Variants in COL25A1 observed in about 807,000 individuals in gnomAD.
COL25A1 encodes collagen alpha-1(XXV) chain.
A neutral mutation model predicts 128.4 loss-of-function variants in COL25A1; 103 were observed. That is an observed-to-expected ratio of 0.80 (90% confidence interval 0.68 to 0.94). The LOEUF is 0.94. COL25A1 is among the 40% of genes least tolerant of loss of function. The pLI is 0.00. For synonymous variants in COL25A1, 279 were observed against 277.2 expected (o/e 1.01, Z -0.06); for missense variants, 745 against 840.0 (o/e 0.89, Z 1.40).
chr4:108,993,496 T>C (rs1393274643), intron 6 of COL25A1, among the ~76,000 whole-genome samples: 3 of 152,192 alleles, frequency 2.0e-5, no homozygotes, highest in Non-Finnish European at 4.4e-5. Flanking sequence ...CAACCTCCTT[T>C]TCCTAAAGCA....
chr4:109,139,198 T>C (rs1173246209), intron 3 of COL25A1, among the ~76,000 whole-genome samples: 1 of 104,656 alleles, frequency 9.6e-6, no homozygotes, highest in Non-Finnish European at 2.6e-5. Flanking sequence ...TGTAAATTTG[T>C]TTAAGTTCCT....
intron 3 of COL25A1, among the ~76,000 whole-genome samples, chr4:109,240,937 A>T (rs545219308): frequency 0.081 from 3,336 of 41,382 alleles, 101 homozygotes; most frequent in African/African-American, 0.38. Context: ...TGGAGAGTAC[A>T]AAATAATTTT....
At chr4:109,249,383 T>A (rs1209860295) in intron 3 of COL25A1, among the ~76,000 whole-genome samples, 1 of 152,104 alleles carries the variant, frequency 6.6e-6, no homozygotes, top group Non-Finnish European at 1.5e-5. Flanking sequence ...GCATAATTAA[T>A]GTATTAATGA....
chr4:109,163,714 T>C (rs1316621946), intron 3 of COL25A1, among the ~76,000 whole-genome samples: 1 of 152,224 alleles, frequency 6.6e-6, no homozygotes, highest in African/African-American at 2.4e-5. Flanking sequence ...GCTCAGCTCT[T>C]GAACTACTCC....
chr4:109,217,511 T>C (rs1158009417), intron 3 of COL25A1, among the ~76,000 whole-genome samples: 1 of 137,454 alleles, frequency 7.3e-6, no homozygotes, highest in Non-Finnish European at 1.5e-5. Flanking sequence ...CTATTAATAA[T>C]TTAGCAGGTG....
chr4:108,987,808 A>G lies in COL25A1; in HGVS notation c.439-13249T>C, dbSNP rs145165359. ...GTTTTTGCAGTACAGTCCCATCTCCACCTCCCCCATAAGCTCACAATCTCT... is the reference window on the plus strand; with the variant it reads ...GTTTTTGCAGTACAGTCCCATCTCCGCCTCCCCCATAAGCTCACAATCTCT... On this transcript the variant is annotated intron_variant, in intron 6 of 37. Coordinates refer to ENST00000399132, the MANE Select transcript of COL25A1 (RefSeq NM_198721.4). Among the ~76,000 whole-genome samples the G allele has an allele frequency of 3.6e-3, 552 of 151,996 alleles. 3 individuals carry two copies. The highest frequency in any genetic ancestry group is 0.012 in the African/African-American group (496 of 41,420).
At chr4:109,055,043 T>C (rs930849469) in intron 3 of COL25A1, among the ~76,000 whole-genome samples, 2 of 152,182 alleles carry the variant, frequency 1.3e-5, no homozygotes, top group African/African-American at 4.8e-5. Flanking sequence ...TCAGGTCTTC[T>C]GGATTAACCT....
chr4:108,990,362 C>T lies in COL25A1; in HGVS notation c.439-15803G>A, dbSNP rs377559658. 3.2e-4 allele frequency among the ~76,000 whole-genome samples: 47 copies of T among 145,164 alleles called. No individual in the cohort carries two copies. In the South Asian group the frequency reaches 0.01, roughly 31 times the overall value. On this transcript the variant is annotated intron_variant, in intron 6 of 37. Coordinates refer to ENST00000399132, the MANE Select transcript of COL25A1 (RefSeq NM_198721.4). ...AATTTAAAAGTAAAATTTTTAAAGT[C>T]TGAAATATTTCAAAGTGAATTAATC...
At chr4:109,248,129 T>G (rs942840230) in intron 3 of COL25A1, among the ~76,000 whole-genome samples, 2 of 152,070 alleles carry the variant, frequency 1.3e-5, no homozygotes, top group Non-Finnish European at 2.9e-5. Context: ...TAAATATATA[T>G]GTATATTTAC....
chr4:109,132,379 T>C (rs759738228), intron 3 of COL25A1, among the ~76,000 whole-genome samples: 1 of 152,184 alleles, frequency 6.6e-6, no homozygotes, highest in African/African-American at 2.4e-5. Flanking sequence ...TTACTTTCCT[T>C]GAACCCAATA....
At chr4:108,862,569 G>T in intron 21 of COL25A1, 24 bp from the exon 22 acceptor site, 1 of 1,597,066 alleles carries the variant, frequency 6.3e-7, no homozygotes, top group Non-Finnish European at 8.6e-7. Context: ...ATAAGAGGAT[G>T]AAAAAGATAA....
chr4:108,874,555 GGGAACAT>G, intron 19 of COL25A1, among the ~76,000 whole-genome samples: 1 of 152,068 alleles, frequency 6.6e-6, no homozygotes, highest in African/African-American at 2.4e-5. Context: ...GAAATAACAT[GGGAACAT>G]AAAGCAGAGA....
At chr4:109,289,540 A>C (rs1308540544) in intron 3 of COL25A1, among the ~76,000 whole-genome samples, 1 of 152,128 alleles carries the variant, frequency 6.6e-6, no homozygotes, top group Non-Finnish European at 1.5e-5. Context: ...TTATGCTGCT[A>C]AATTGAATCA....
chr4:109,130,793 G>T (rs1000570326), intron 3 of COL25A1, among the ~76,000 whole-genome samples: 2 of 152,050 alleles, frequency 1.3e-5, no homozygotes, highest in Non-Finnish European at 2.9e-5. Context: ...ACATGCCACT[G>T]GTCATTAAAC....
At chr4:108,844,398 C>A in intron 30 of COL25A1, 121 bp downstream of exon 30, 1 of 1,528,176 alleles carries the variant, frequency 6.5e-7, no homozygotes, top group African/African-American at 1.4e-5. Flanking sequence ...TGGTATTTTC[C>A]ATCCATTCCA....
At chr4:109,247,297 C>T (rs751939457) in intron 3 of COL25A1, among the ~76,000 whole-genome samples, 4 of 151,624 alleles carry the variant, frequency 2.6e-5, no homozygotes, top group Non-Finnish European at 4.4e-5. Context: ...TTGCAGTGAG[C>T]AGAGATCGAA....
intron 11 of COL25A1, among the ~76,000 whole-genome samples, chr4:108,923,624 G>A (rs1480474218): frequency 6.6e-6 from 1 of 152,210 alleles, no homozygotes; most frequent in African/African-American, 2.4e-5. Context: ...GGGATTACAA[G>A]TGTTAGCTAC....
chr4:109,021,526 G>T (rs543397088), intron 5 of COL25A1, among the ~76,000 whole-genome samples: 1 of 152,256 alleles, frequency 6.6e-6, no homozygotes, highest in East Asian at 1.9e-4. Flanking sequence ...CGTACAAATT[G>T]ATTGTAAAAC....
intron 3 of COL25A1, among the ~76,000 whole-genome samples, chr4:109,124,663 T>G (rs1407185058): frequency 6.6e-6 from 1 of 151,940 alleles, no homozygotes; most frequent in Non-Finnish European, 1.5e-5. Context: ...ACAGCAGATG[T>G]CCAACAATAA....
Sources: allele counts gnomAD v4.1 joint callset (sites outside exome capture counted in the v4.1 genomes callset), GRCh38; gene constraint gnomAD v4.1.1; transcripts MANE v1.5; gene names NCBI Gene and HGNC (gene_info 2026-07-23, HGNC 2026-07-21).